The following PLPP7 variants were observed in gnomAD, a reference collection of about 807,000 sequenced individuals.
The protein encoded by PLPP7 is phospholipid phosphatase 7 (inactive), also known as inactive phospholipid phosphatase 7.
A neutral mutation model predicts 16.9 loss-of-function variants in PLPP7; 11 were observed. That is an observed-to-expected ratio of 0.65 (90% CI 0.41 to 1.08). PLPP7 has a LOEUF of 1.08. PLPP7 is among the 50% of genes least tolerant of loss of function. The pLI is 0.00. For synonymous variants in PLPP7, 174 were observed against 175.1 expected (o/e 0.99, Z 0.05); for missense variants, 358 against 397.1 (o/e 0.90, Z 0.84).
intron 1 of PLPP7, among the ~76,000 whole-genome samples, chr9:131,305,593 G>T (rs754175452): frequency 1.3e-5 from 2 of 151,790 alleles, no homozygotes; most frequent in African/African-American, 2.4e-5. Flanking sequence ...TTAAGACAGG[G>T]TCTCACTCTG....
chr9:131,300,346 C>G (rs2991196), intron 1 of PLPP7, among the ~76,000 whole-genome samples: 2 of 151,750 alleles, frequency 1.3e-5, no homozygotes, highest in African/African-American at 2.4e-5. Context: ...TTTCCTACAC[C>G]GAGTCTGTAT....
chr9:131,306,359 T>G (rs1383078420), intron 1 of PLPP7, among the ~76,000 whole-genome samples: 2 of 150,660 alleles, frequency 1.3e-5, no homozygotes, highest in Admixed American at 1.3e-4. Flanking sequence ...CTGGCCAACA[T>G]GGCAAAGCCC....
rs150279514 is a variant in PLPP7 at position 131,290,214 on chromosome 9, C to G, written c.217C>G (p.Leu73Val). 5.3e-5 allele frequency: 85 copies of G among 1,606,546 alleles called. No individual in the cohort carries two copies. The highest frequency in any genetic ancestry group is 7.0e-5 in the Non-Finnish European group (82 of 1,175,922). The change falls in exon 1 of 2, where the codon CTG (leucine) becomes GTG (valine). Residue 73 changes from leucine to valine, a missense_variant. Physicochemically the swap from Leu to Val is conservative, Grantham distance 32. Coordinates refer to ENST00000372264, the MANE Select transcript of PLPP7 (RefSeq NM_032728.4). The surrounding 1 kb of genome is among the most constrained non-coding windows in gnomAD (Gnocchi z 4.2). ...GCTGCCAGAGGAGGACTGCATGCAG[C>G]TGAACCCCTCCTTCAAGGGCATCGC... Reference protein sequence around the residue: ...QQLPEEDCMQLNPSFKGIAFN... With the variant: ...QQLPEEDCMQVNPSFKGIAFN...
chr9:131,308,429 T>A lies in PLPP7; in HGVS notation c.*142T>A. On this transcript the variant is annotated 3_prime_UTR_variant, in exon 2 of 2. Transcript: ENST00000372264. The stretch of plus-strand genomic sequence containing the variant: ...CCCCACCTCATCTTCCCCTCCTGGC[T>A]GGAGGCTGGCGAACCCAGGCCACCC... 2 of 1,360,368 alleles carry A rather than the reference T, an allele frequency of 1.5e-6. No homozygotes were observed. The highest frequency in any genetic ancestry group is 1.5e-5 in the African/African-American group (1 of 68,264). 84.3% of individuals were successfully genotyped at this position (1,360,368 alleles called of 1,614,324 possible).
At chr9:131,297,930 C>A (rs146061476) in intron 1 of PLPP7, among the ~76,000 whole-genome samples, 2 of 152,078 alleles carry the variant, frequency 1.3e-5, no homozygotes, top group Non-Finnish European at 2.9e-5. Flanking sequence ...TTATAAGTGG[C>A]CTTTTCCACT....
At chr9:131,300,235 G>A (rs994491368) in intron 1 of PLPP7, among the ~76,000 whole-genome samples, 2 of 152,192 alleles carry the variant, frequency 1.3e-5, no homozygotes, top group Non-Finnish European at 2.9e-5. Flanking sequence ...CTTTCGTCAG[G>A]AACCACCCCT....
intron 1 of PLPP7, among the ~76,000 whole-genome samples, chr9:131,302,989 G>A (rs957956717): frequency 2.0e-5 from 3 of 152,166 alleles, no homozygotes; most frequent in African/African-American, 7.2e-5. Context: ...ACTTTCAAAA[G>A]CAGGCAGCAG....
chr9:131,290,863 C>A lies in PLPP7; in HGVS notation c.451+415C>A, dbSNP rs947934844. On this transcript the variant is annotated intron_variant, in intron 1 of 1. Transcript: ENST00000372264. The surrounding 1 kb of genome is among the most constrained non-coding windows in gnomAD (Gnocchi z 4.2). The stretch of plus-strand genomic sequence containing the variant: ...GGCTGAGGTCCTCGCTCCTTGACAG[C>A]TCCCAGCCAGGCTGTTCCCGTGAGC... 6.6e-6 allele frequency among the ~76,000 whole-genome samples: 1 copy of A among 152,130 alleles called. No individual in the cohort carries two copies. Among genetic ancestry groups the A allele is most frequent in the Non-Finnish European group, 1.5e-5 (1 of 68,008 alleles).
intron 1 of PLPP7, among the ~76,000 whole-genome samples, chr9:131,291,660 C>G (rs1197375540): frequency 6.6e-6 from 1 of 150,776 alleles, no homozygotes; most frequent in African/African-American, 2.5e-5. Flanking sequence ...CAGCTCACTA[C>G]AACCTCCGCC....
intron 1 of PLPP7, among the ~76,000 whole-genome samples, chr9:131,291,634 G>A (rs1032339629): frequency 1.4e-5 from 2 of 145,738 alleles, no homozygotes; most frequent in Non-Finnish European, 3.0e-5. Context: ...GCACGATCTT[G>A]GCTCACTACA....
At chr9:131,291,918 C>T (rs1430770915) in intron 1 of PLPP7, among the ~76,000 whole-genome samples, 1 of 152,214 alleles carries the variant, frequency 6.6e-6, no homozygotes, top group Admixed American at 6.5e-5. Context: ...ATTTACATTA[C>T]AATAACTTAT....
At chr9:131,297,004 A>C (rs1344460743) in intron 1 of PLPP7, among the ~76,000 whole-genome samples, 1 of 151,916 alleles carries the variant, frequency 6.6e-6, no homozygotes, top group East Asian at 1.9e-4. Context: ...CGCACATGCT[A>C]CCTCCTCGGA....
At chr9:131,305,499 A>G (rs145259952) in intron 1 of PLPP7, among the ~76,000 whole-genome samples, 1 of 151,638 alleles carries the variant, frequency 6.6e-6, no homozygotes, top group African/African-American at 2.4e-5. Flanking sequence ...AGTTACAGTG[A>G]GTTATGATTG....
intron 1 of PLPP7, among the ~76,000 whole-genome samples, chr9:131,298,497 C>A (rs1197621795): frequency 6.6e-6 from 1 of 152,130 alleles, no homozygotes; most frequent in African/African-American, 2.4e-5. Flanking sequence ...CACCTCCCAC[C>A]CCTACCCCAC....
intron 1 of PLPP7, among the ~76,000 whole-genome samples, chr9:131,299,182 G>A (rs1835768263): frequency 6.9e-6 from 1 of 145,332 alleles, no homozygotes; most frequent in South Asian, 2.3e-4. Context: ...TCTTTCTGGA[G>A]CCTGAGTGCG....
intron 1 of PLPP7, among the ~76,000 whole-genome samples, chr9:131,307,366 A>G (rs1036107478): frequency 2.6e-5 from 4 of 151,892 alleles, no homozygotes; most frequent in African/African-American, 9.7e-5. Flanking sequence ...AGTCTGTCCA[A>G]CATGGCAAAG....
In PLPP7 at chr9:131,308,225, C is replaced by G. The variant is rs751749898; in HGVS notation, c.754C>G (p.Arg252Gly). 6.3e-6 allele frequency: 10 copies of G among 1,599,594 alleles called. No individual in the cohort carries two copies. The highest frequency in any genetic ancestry group is 8.5e-6 in the Non-Finnish European group (10 of 1,179,810). The change falls in exon 2 of 2, where the codon CGT becomes GGT. Residue 252 changes from arginine to glycine, a missense_variant. Arg to Gly is a moderately radical substitution (Grantham distance 125, BLOSUM62 -2). Coordinates refer to ENST00000372264, the MANE Select transcript of PLPP7 (RefSeq NM_032728.4). ...SGFVIGYLQF[R>G]LVELVWMPSS... ...CTTTGTCATCGGCTACCTCCAGTTC[C>G]GTCTGGTGGAGCTGGTCTGGATGCC...
intron 1 of PLPP7, among the ~76,000 whole-genome samples, chr9:131,292,635 G>C (rs1037256081): frequency 6.6e-6 from 1 of 152,184 alleles, no homozygotes; most frequent in Middle Eastern, 3.2e-3. Flanking sequence ...CTTCCAGCAG[G>C]GGGAGGATCA....
chr9:131,304,765 A>G (rs1213431053), intron 1 of PLPP7, among the ~76,000 whole-genome samples: 1 of 152,174 alleles, frequency 6.6e-6, no homozygotes, highest in Non-Finnish European at 1.5e-5. Context: ...CTATGAACAA[A>G]CAGGCACAGC....
Sources: gnomAD v4.1 joint callset for allele counts (sites outside exome capture counted in the v4.1 genomes callset) on GRCh38, gnomAD v4.1.1 for gene constraint, Gnocchi (gnomAD v3.1) non-coding constraint, MANE v1.5 for transcripts, NCBI Gene and HGNC (gene_info 2026-07-23, HGNC 2026-07-21) for gene names.